The following NPAS3 variants were observed in gnomAD, a reference collection of about 807,000 sequenced individuals.
NPAS3 encodes neuronal PAS domain protein 3, also known as neuronal PAS domain-containing protein 3.
A neutral mutation model predicts 73.1 loss-of-function variants in NPAS3; 14 were observed. That is an observed-to-expected ratio of 0.19 (90% CI 0.13 to 0.30). The LOEUF is 0.30. NPAS3 is among the 10% of genes least tolerant of loss of function. The pLI is 1.00. For missense variants in NPAS3, 1,096 were observed against 1,250.0 expected, an observed-to-expected ratio of 0.88 and a Z score of 1.86; for synonymous variants, 620 against 541.5, an observed-to-expected ratio of 1.14 and a Z score of -2.01.
intron 3 of NPAS3, among the ~76,000 whole-genome samples, chr14:33,362,702 T>G (rs1008715061): frequency 2.6e-5 from 4 of 152,076 alleles, no homozygotes; most frequent in African/African-American, 9.7e-5. Context: ...GAAGCCTGCC[T>G]TTTTGCCAGG....
intron 2 of NPAS3, among the ~76,000 whole-genome samples, chr14:33,105,325 T>C (rs12893587): frequency 0.22 from 33,671 of 152,086 alleles, 4,398 homozygotes; most frequent in Admixed American, 0.4. Context: ...TTCACTCCAT[T>C]TTAAAGATGA....
chr14:33,592,812 G>A (rs1331697720), intron 5 of NPAS3, among the ~76,000 whole-genome samples: 2 of 152,136 alleles, frequency 1.3e-5, no homozygotes. Flanking sequence ...GACGAAACTG[G>A]CCATGCTGTC....
intron 5 of NPAS3, among the ~76,000 whole-genome samples, chr14:33,569,903 C>T (rs1169029505): frequency 5.9e-5 from 9 of 152,308 alleles, no homozygotes; most frequent in African/African-American, 2.2e-4. Context: ...CTAGCTCTAT[C>T]TATGGTAAAG....
intron 1 of NPAS3, among the ~76,000 whole-genome samples, chr14:33,016,429 T>C (rs1408089880): frequency 7.7e-6 from 1 of 129,622 alleles, no homozygotes; most frequent in Non-Finnish European, 1.7e-5. Context: ...AATGAATGAA[T>C]GAAAAGGTGA....
chr14:33,546,137 G>A (rs1243435482), intron 4 of NPAS3, among the ~76,000 whole-genome samples: 2 of 152,096 alleles, frequency 1.3e-5, no homozygotes, highest in African/African-American at 2.4e-5. Flanking sequence ...CCTGTTTTCT[G>A]GTGCTTTACC....
intron 4 of NPAS3, among the ~76,000 whole-genome samples, chr14:33,491,652 T>C (rs2051906446): frequency 1.3e-5 from 2 of 152,172 alleles, no homozygotes; most frequent in South Asian, 4.1e-4. Context: ...TACTGAGTTG[T>C]TTGGTTCACC....
At chr14:33,456,882 G>C (rs200242853) in intron 4 of NPAS3, among the ~76,000 whole-genome samples, 40 of 152,198 alleles carry the variant, frequency 2.6e-4, no homozygotes, top group East Asian at 9.7e-4. Context: ...AAACCAGAAG[G>C]CTCCTCAGCT....
At chr14:33,279,967 CA>C (rs1244352008) in intron 3 of NPAS3, among the ~76,000 whole-genome samples, 12 of 152,178 alleles carry the variant, frequency 7.9e-5, no homozygotes, top group African/African-American at 2.7e-4. Context: ...TGAATAATGG[CA>C]GCTGATATGC....
At chr14:33,514,662 ACT>A (rs1210379661) in intron 4 of NPAS3, among the ~76,000 whole-genome samples, 1 of 151,840 alleles carries the variant, frequency 6.6e-6, no homozygotes, top group Non-Finnish European at 1.5e-5. Flanking sequence ...ATGAAATAAA[ACT>A]CTGTCAAATA....
intron 7 of NPAS3, among the ~76,000 whole-genome samples, chr14:33,739,350 C>A (rs1386379546): frequency 6.6e-6 from 1 of 152,106 alleles, no homozygotes; most frequent in African/African-American, 2.4e-5. Flanking sequence ...GAAATCCTAC[C>A]CAGCCTCCTT....
chr14:33,616,449 G>A lies in NPAS3; in HGVS notation c.558+56239G>A, dbSNP rs534577641. Among the ~76,000 whole-genome samples the A allele has an allele frequency of 1.2e-3, 178 of 152,314 alleles. 1 individual carries two copies. The highest frequency in any genetic ancestry group is 2.1e-3 in the Non-Finnish European group (142 of 68,020). On this transcript the variant is annotated intron_variant, in intron 5 of 11. Coordinates refer to ENST00000356141, the Ensembl canonical transcript of NPAS3. ...TGGAAATGCCAAGGCGGGAGGGGAA[G>A]AGGAGAAGGTGAGATCACACAAATC...
chr14:33,377,426 C>A (rs2046356721), intron 4 of NPAS3, among the ~76,000 whole-genome samples: 3 of 152,186 alleles, frequency 2.0e-5, no homozygotes, highest in Admixed American at 2.0e-4. Flanking sequence ...CAGCCATCGA[C>A]CATTGCTATA....
intron 6 of NPAS3, among the ~76,000 whole-genome samples, chr14:33,726,742 A>G (rs1462841882): frequency 1.3e-5 from 2 of 152,190 alleles, no homozygotes; most frequent in Admixed American, 6.5e-5. Flanking sequence ...ATAACTGAAC[A>G]AAGAAAAAGT....
chr14:32,942,906 A>G (rs979271136), intron 1 of NPAS3, among the ~76,000 whole-genome samples: 3 of 152,220 alleles, frequency 2.0e-5, no homozygotes, highest in Admixed American at 1.3e-4. Context: ...AATATTTCCA[A>G]GGCAACAGAC....
At position 33,643,278 on chromosome 14, in the gene NPAS3, G is replaced by A. The variant is rs774980380; in HGVS notation, c.559-32933G>A. On this transcript the variant is annotated intron_variant, in intron 5 of 11. Coordinates refer to ENST00000356141, the Ensembl canonical transcript of NPAS3. Reference sequence around the variant, plus strand: ...AATAGTTGTCAACTTAAATATTTATGCATGTCTAGGGAAAGTAATTGTTAG... The same window carrying A: ...AATAGTTGTCAACTTAAATATTTATACATGTCTAGGGAAAGTAATTGTTAG... Among the ~76,000 whole-genome samples, 64 of 150,694 alleles carry A rather than the reference G, an allele frequency of 4.2e-4. 1 individual carries two copies. The Middle Eastern group carries it at 0.031, about 72-fold the overall frequency.
intron 4 of NPAS3, among the ~76,000 whole-genome samples, chr14:33,540,582 G>A (rs1242318020): frequency 6.6e-6 from 1 of 152,118 alleles, no homozygotes; most frequent in African/African-American, 2.4e-5. Context: ...ATGAGCAAAA[G>A]GTTGTATTAG....
At chr14:33,713,764 G>A (rs1334799719) in intron 6 of NPAS3, among the ~76,000 whole-genome samples, 2 of 152,124 alleles carry the variant, frequency 1.3e-5, no homozygotes, top group Admixed American at 1.3e-4. Flanking sequence ...AACTCCCATG[G>A]GGCCTTTGTC....
chr14:33,496,622 C>A (rs943972321), intron 4 of NPAS3, among the ~76,000 whole-genome samples: 16 of 152,070 alleles, frequency 1.1e-4, no homozygotes, highest in Non-Finnish European at 2.1e-4. Flanking sequence ...TCAATAGATG[C>A]AGAAAAGGCC....
intron 3 of NPAS3, among the ~76,000 whole-genome samples, chr14:33,295,141 A>T (rs2042244748): frequency 6.6e-6 from 1 of 152,238 alleles, no homozygotes; most frequent in African/African-American, 2.4e-5. Context: ...TAATATTTTT[A>T]AAACGAAAAC....
Sources: gnomAD v4.1 joint callset for allele counts (sites outside exome capture counted in the v4.1 genomes callset) on GRCh38, gnomAD v4.1.1 for gene constraint, MANE v1.5 for transcripts, NCBI Gene and HGNC (gene_info 2026-07-23, HGNC 2026-07-21) for gene names.